Variants in PRKAG2 observed in about 807,000 individuals in gnomAD.
The protein encoded by PRKAG2 is 5'-AMP-activated protein kinase subunit gamma-2.
In PRKAG2, 26 loss-of-function variants were observed where a neutral mutation model predicts 69.6. The observed-to-expected ratio is 0.37, with a 90% CI of 0.27 to 0.52. The LOEUF is 0.52. Ranked by LOEUF, PRKAG2 falls within the 20% of genes least tolerant of loss-of-function variation. The pLI, the probability that PRKAG2 is intolerant of heterozygous loss-of-function variation, is 0.90. For synonymous variants in PRKAG2, 293 were observed against 285.0 expected (o/e 1.03, Z -0.28); for missense variants, 557 against 740.0 (o/e 0.75, Z 2.87).
Position 151,777,018 on chromosome 7 carries a change from C to T in PRKAG2, c.466+4134G>A, listed in dbSNP as rs912684781. On this transcript the variant is annotated intron_variant, in intron 3 of 15. Transcript: ENST00000287878. This position sits in a 1 kb window ranked among gnomAD's most constrained non-coding sequence, Gnocchi z 4.3. ...GGTACAGCCCCCACATTCCTCAGCC[C>T]GCAGCTGGAGCTCCTGCAGTACAGG... Among the ~76,000 whole-genome samples, 24 of 152,300 alleles carry T rather than the reference C, an allele frequency of 1.6e-4. No homozygotes were observed. Among genetic ancestry groups the T allele is most frequent in the East Asian group, 9.7e-4 (5 of 5,178 alleles).
intron 1 of PRKAG2, among the ~76,000 whole-genome samples, chr7:151,854,996 CAT>C (rs1398167162): frequency 0.32 from 6,514 of 20,434 alleles, 1,009 homozygotes; most frequent in East Asian, 0.42. Context: ...CCACACACAC[CAT>C]GCTCCACACA....
chr7:151,857,515 C>T (rs548061560), intron 1 of PRKAG2, among the ~76,000 whole-genome samples: 4 of 152,330 alleles, frequency 2.6e-5, no homozygotes, highest in South Asian at 4.1e-4. Flanking sequence ...TGCTGCCTTC[C>T]GGCACCATCT....
intron 4 of PRKAG2, among the ~76,000 whole-genome samples, chr7:151,648,408 C>A (rs1217855039): frequency 1.3e-5 from 2 of 152,294 alleles, no homozygotes; most frequent in African/African-American, 2.4e-5. Context: ...GGTCCTCATG[C>A]CCCCTGCTTT....
intron 3 of PRKAG2, among the ~76,000 whole-genome samples, chr7:151,733,425 G>A (rs960764362): frequency 1.3e-5 from 2 of 152,202 alleles, no homozygotes; most frequent in Non-Finnish European, 2.9e-5. Context: ...TGTCAGAAGC[G>A]TAGGAGACAG....
At chr7:151,754,478 GC>G (rs1189578108) in intron 3 of PRKAG2, among the ~76,000 whole-genome samples, 1 of 151,546 alleles carries the variant, frequency 6.6e-6, no homozygotes, top group African/African-American at 2.4e-5. Flanking sequence ...TGGCCAGTGA[GC>G]GGGGGGCCCA....
intron 6 of PRKAG2, among the ~76,000 whole-genome samples, chr7:151,582,558 G>A (rs779199705): frequency 6.9e-4 from 105 of 152,332 alleles, no homozygotes; most frequent in Non-Finnish European, 9.8e-4. Context: ...TGCAACAGAA[G>A]ATAAAACAAC....
At chr7:151,598,417 T>C (rs1405325812) in intron 5 of PRKAG2, among the ~76,000 whole-genome samples, 1 of 152,168 alleles carries the variant, frequency 6.6e-6, no homozygotes, top group Non-Finnish European at 1.5e-5. Flanking sequence ...TATTGTATAG[T>C]TCAAAATAGC....
chr7:151,813,254 A>G (rs1586649912), intron 1 of PRKAG2, among the ~76,000 whole-genome samples: 2 of 152,040 alleles, frequency 1.3e-5, no homozygotes, highest in African/African-American at 4.8e-5. Context: ...ATCTTCCAAC[A>G]CCTACAATCC....
rs573148626 is a variant in PRKAG2, at chr7:151,559,847, G to A, written c.1678+677C>T. On this transcript the variant is annotated intron_variant, in intron 15 of 15. Transcript: ENST00000287878. ...GGCTGGGGAGGTGGAGGGATGGGAA[G>A]AGGAGGAGGGAAGGGAGGGCTGGCA... 674 of 985,292 alleles carry A rather than the reference G, an allele frequency of 6.8e-4. 3 individuals are homozygous for A. In the African/African-American group the frequency reaches 0.011, roughly 16 times the overall value. 61.0% of individuals were successfully genotyped at this position (985,292 alleles called of 1,614,324 possible).
chr7:151,721,024 G>C (rs1396833924), intron 3 of PRKAG2, among the ~76,000 whole-genome samples: 11 of 145,162 alleles, frequency 7.6e-5, no homozygotes, highest in East Asian at 2.1e-4. Flanking sequence ...AAGAACAGAG[G>C]GGGGTGAAAA....
intron 3 of PRKAG2, among the ~76,000 whole-genome samples, chr7:151,700,457 G>A (rs770185276): frequency 3.3e-5 from 5 of 152,186 alleles, no homozygotes; most frequent in Non-Finnish European, 7.3e-5. Context: ...TGAGATACGC[G>A]GCTGTAGGCC....
intron 3 of PRKAG2, among the ~76,000 whole-genome samples, chr7:151,751,510 T>G (rs2074688056): frequency 6.6e-6 from 1 of 151,792 alleles, no homozygotes; most frequent in Non-Finnish European, 1.5e-5. Context: ...ATTATTTATT[T>G]ATTTATTTAT....
At chr7:151,677,723 A>G (rs1833166759) in intron 3 of PRKAG2, among the ~76,000 whole-genome samples, 1 of 152,178 alleles carries the variant, frequency 6.6e-6, no homozygotes, top group South Asian at 2.1e-4. Context: ...CATGTAGCCA[A>G]CTGTTCCAAC....
At chr7:151,811,124 A>C (rs1344503758) in intron 1 of PRKAG2, among the ~76,000 whole-genome samples, 1 of 152,258 alleles carries the variant, frequency 6.6e-6, no homozygotes, top group Non-Finnish European at 1.5e-5. Flanking sequence ...TCGCCTGATG[A>C]ATAGTCAAAG....
intron 3 of PRKAG2, 117 bp from the exon 4 acceptor site, chr7:151,675,754 C>T: frequency 1.0e-6 from 1 of 1,004,538 alleles, no homozygotes; most frequent in South Asian, 1.3e-5. Context: ...GTCCGGCCTC[C>T]AGGAAGGGAC....
At chr7:151,723,781 C>A (rs1797497783) in intron 3 of PRKAG2, among the ~76,000 whole-genome samples, 1 of 152,148 alleles carries the variant, frequency 6.6e-6, no homozygotes, top group Non-Finnish European at 1.5e-5. Context: ...ACTGGCAAAT[C>A]CTCTCCAGTC....
intron 4 of PRKAG2, among the ~76,000 whole-genome samples, chr7:151,673,835 G>GTTT (rs1832451838): frequency 8.6e-6 from 1 of 116,798 alleles, no homozygotes. Context: ...TGTAGCTTGT[G>GTTT]TTCTTTTTTT....
intron 6 of PRKAG2, among the ~76,000 whole-genome samples, chr7:151,590,841 C>CT (rs1290089155): frequency 6.6e-6 from 1 of 152,236 alleles, no homozygotes; most frequent in African/African-American, 2.4e-5. Context: ...GGACTGATTG[C>CT]TATGAGTGGT....
chr7:151,693,417 C>T (rs1468200626), intron 3 of PRKAG2, among the ~76,000 whole-genome samples: 2 of 152,198 alleles, frequency 1.3e-5, no homozygotes, highest in South Asian at 2.1e-4. Flanking sequence ...CCCCACCCGT[C>T]CCTCCTCCAG....
Sources: allele counts gnomAD v4.1 joint callset (sites outside exome capture counted in the v4.1 genomes callset), GRCh38; gene constraint gnomAD v4.1.1; non-coding constraint Gnocchi (gnomAD v3.1); transcripts MANE v1.5; gene names NCBI Gene and HGNC (gene_info 2026-07-23, HGNC 2026-07-21).